CPED1: variants seen among roughly 807,000 people sequenced by gnomAD.
CPED1 encodes cadherin like and PC-esterase domain containing 1.
CPED1 carries 114 observed loss-of-function variants against 128.2 expected under a neutral mutation model. That is an observed-to-expected ratio of 0.89 (90% CI 0.76 to 1.04). CPED1 has a LOEUF of 1.04. Ranked by LOEUF, CPED1 falls within the 50% of genes least tolerant of loss-of-function variation. The probability of loss-of-function intolerance (pLI) is 0.00; values close to 1 mark genes in which losing one functional copy is unlikely to be tolerated. For synonymous variants in CPED1, 462 were observed against 426.7 expected (o/e 1.08, Z -1.02); for missense variants, 1,211 against 1,207.1 (o/e 1.00, Z -0.05).
chr7:121,188,834 C>T (rs923226928), intron 16 of CPED1, among the ~76,000 whole-genome samples: 5 of 152,042 alleles, frequency 3.3e-5, no homozygotes, highest in South Asian at 2.1e-4. Context: ...GGCTCAGATA[C>T]GCCATTATGT....
intron 7 of CPED1, among the ~76,000 whole-genome samples, chr7:121,122,544 G>T (rs1795415973): frequency 6.6e-6 from 1 of 152,164 alleles, no homozygotes; most frequent in Non-Finnish European, 1.5e-5. Flanking sequence ...TAATCTCAAG[G>T]ATACCTCTAT....
intron 4 of CPED1, among the ~76,000 whole-genome samples, chr7:121,047,697 CTTCTTCTTCTTCTTCTTCTTT>C (rs1161998992): frequency 2.6e-5 from 2 of 78,200 alleles, no homozygotes; most frequent in African/African-American, 5.6e-5. Context: ...TCTTCTTCTT[CTTCTTCTTCTTCTTCTTCTTT>C]TTTTTTTTTT....
At chr7:121,147,744 A>G (rs1046318206) in intron 16 of CPED1, among the ~76,000 whole-genome samples, 1 of 152,194 alleles carries the variant, frequency 6.6e-6, no homozygotes, top group African/African-American at 2.4e-5. Flanking sequence ...TGTTTCACAG[A>G]TCTGTTTGAA....
intron 22 of CPED1, among the ~76,000 whole-genome samples, chr7:121,287,075 C>T (rs865845901): frequency 2.6e-5 from 4 of 152,112 alleles, no homozygotes; most frequent in South Asian, 2.1e-4. Flanking sequence ...ACCACCTCCC[C>T]GATTCAATTA....
At chr7:121,044,198 G>T (rs1395588503) in intron 3 of CPED1, among the ~76,000 whole-genome samples, 1 of 152,042 alleles carries the variant, frequency 6.6e-6, no homozygotes. Flanking sequence ...ATTAAAAAAA[G>T]AAAAAGGGCT....
intron 4 of CPED1, among the ~76,000 whole-genome samples, chr7:121,052,930 G>C (rs1793396411): frequency 6.6e-6 from 1 of 151,836 alleles, no homozygotes; most frequent in African/African-American, 2.4e-5. Flanking sequence ...TGTTGGCCAG[G>C]CTGGTCTTGA....
At chr7:121,140,217 G>A (rs1795869554) in intron 14 of CPED1, among the ~76,000 whole-genome samples, 1 of 151,988 alleles carries the variant, frequency 6.6e-6, no homozygotes, top group African/African-American at 2.4e-5. Flanking sequence ...ACAGGATGGA[G>A]CAGAGGATAG....
At chr7:121,075,490 C>G (rs1046612828) in intron 5 of CPED1, among the ~76,000 whole-genome samples, 3 of 151,926 alleles carry the variant, frequency 2.0e-5, no homozygotes, top group African/African-American at 7.3e-5. Flanking sequence ...TTTTTTGAGG[C>G]AGAGTCTTGT....
chr7:121,099,921 T>C lies in CPED1; in HGVS notation c.750-5T>C. The stretch of plus-strand genomic sequence containing the variant: ...AGCGCTAACTATGTTTTTTTTTTTT[T>C]TTAGGAATGAAACGACAGTCCTTGC... On this transcript the variant is annotated splice_region_variant and splice_polypyrimidine_tract_variant and intron_variant, in intron 6 of 22. Transcript: ENST00000310396. The C allele has an allele frequency of 3.1e-6, 5 of 1,607,146 alleles. No homozygotes were observed. In the South Asian group the frequency reaches 5.5e-5, roughly 18 times the overall value.
chr7:121,256,977 T>C (rs952348271), intron 18 of CPED1, among the ~76,000 whole-genome samples: 10 of 151,886 alleles, frequency 6.6e-5, no homozygotes, highest in African/African-American at 2.4e-4. Flanking sequence ...GAACAGAAAA[T>C]AAAATACTAC....
At chr7:121,266,918 A>T (rs1792138651) in intron 20 of CPED1, 110 bp downstream of exon 20, 1 of 765,898 alleles carries the variant, frequency 1.3e-6, no homozygotes, top group East Asian at 2.7e-5. Context: ...ATAATTTATC[A>T]TTAAGTACTT....
chr7:121,120,302 C>T (rs187443549), intron 7 of CPED1, among the ~76,000 whole-genome samples: 2 of 152,228 alleles, frequency 1.3e-5, no homozygotes, highest in East Asian at 3.9e-4. Flanking sequence ...ATATCCTCAC[C>T]AATGATTATT....
chr7:121,039,167 A>G (rs1269985678), intron 3 of CPED1, among the ~76,000 whole-genome samples: 2 of 152,092 alleles, frequency 1.3e-5, no homozygotes, highest in South Asian at 2.1e-4. Flanking sequence ...CTTCATCACT[A>G]TGTATTTATT....
At chr7:121,045,167 A>G (rs1485959020) in intron 3 of CPED1, among the ~76,000 whole-genome samples, 1 of 152,230 alleles carries the variant, frequency 6.6e-6, no homozygotes, top group Non-Finnish European at 1.5e-5. Context: ...GTGAGAGTGT[A>G]TGGAGCAGGG....
chr7:121,295,467 T>C lies in CPED1; in HGVS notation c.2896T>C (p.Tyr966His). ...EVVKSKLSKE[Y>H]NFIKMKRSRN... ...AGTGAAATCAAAGTTATCCAAAGAA[T>C]ATAACTTTATTAAAATGAAAAGATC... Residue 966 changes from tyrosine to histidine, a missense_variant, in exon 23 of 23, where the codon TAT (tyrosine) becomes CAT (histidine). Coordinates refer to ENST00000310396, the MANE Select transcript of CPED1 (RefSeq NM_024913.5). The C allele has an allele frequency of 6.2e-7, 1 of 1,613,184 alleles. No homozygotes were observed. Among genetic ancestry groups the C allele is most frequent in the East Asian group, 2.2e-5 (1 of 44,748 alleles).
chr7:120,997,026 A>C (rs1357221696), intron 2 of CPED1, among the ~76,000 whole-genome samples: 1 of 152,222 alleles, frequency 6.6e-6, no homozygotes, highest in Non-Finnish European at 1.5e-5. Context: ...TCCACCCAAC[A>C]GCCTGCCTAT....
At chr7:121,155,252 G>A (rs1796259709) in intron 16 of CPED1, among the ~76,000 whole-genome samples, 1 of 152,170 alleles carries the variant, frequency 6.6e-6, no homozygotes, top group Non-Finnish European at 1.5e-5. Flanking sequence ...TCATGGATTG[G>A]AAGAATTAAT....
intron 16 of CPED1, among the ~76,000 whole-genome samples, chr7:121,230,411 A>T (rs926108749): frequency 2.0e-5 from 3 of 152,074 alleles, no homozygotes; most frequent in African/African-American, 7.2e-5. Context: ...CTGTTTGGTG[A>T]GTAACAGCAA....
At chr7:121,074,507 G>GCGTTTTTTT (rs1794072320) in intron 5 of CPED1, among the ~76,000 whole-genome samples, 1 of 18,096 alleles carries the variant, frequency 5.5e-5, no homozygotes, top group East Asian at 1.9e-3. Context: ...AATTTCCTTT[G>GCGTTTTTTT]TGTTTTTTTT....
Sources: allele counts gnomAD v4.1 joint callset (sites outside exome capture counted in the v4.1 genomes callset), GRCh38; gene constraint gnomAD v4.1.1; transcripts MANE v1.5; gene names NCBI Gene and HGNC (gene_info 2026-07-23, HGNC 2026-07-21).